Variants in PARM1 observed in about 807,000 individuals in gnomAD.
The protein encoded by PARM1 is WSC4, cell wall integrity and stress response component 4 homolog.
PARM1 carries 14 observed loss-of-function variants against 24.6 expected under a neutral mutation model. The ratio of observed to expected loss-of-function variants is 0.57; its 90% CI spans 0.38 to 0.89. The LOEUF (loss-of-function observed/expected upper bound fraction) is 0.89, where lower values mean the gene tolerates loss of function less well. PARM1 is among the 40% of genes least tolerant of loss of function. The pLI, the probability that PARM1 is intolerant of heterozygous loss-of-function variation, is 0.00. For synonymous variants in PARM1, 179 were observed against 156.6 expected (o/e 1.14, Z -1.07); for missense variants, 362 against 380.4 (o/e 0.95, Z 0.40).
intron 2 of PARM1, among the ~76,000 whole-genome samples, chr4:75,029,856 T>A (rs1723244143): frequency 6.6e-6 from 1 of 151,966 alleles, no homozygotes. Flanking sequence ...GTGGAAACTT[T>A]TTTAGGACAA....
intron 1 of PARM1, among the ~76,000 whole-genome samples, chr4:74,979,293 A>G (rs1271954846): frequency 1.3e-5 from 2 of 152,176 alleles, no homozygotes; most frequent in Admixed American, 6.5e-5. Flanking sequence ...ATCGCCACTG[A>G]CCCAACAGAA....
intron 1 of PARM1, among the ~76,000 whole-genome samples, chr4:74,958,899 G>A (rs144026573): frequency 4.6e-4 from 70 of 152,256 alleles, no homozygotes; most frequent in African/African-American, 1.6e-3. Context: ...TCAATTTTAT[G>A]ATAAAATCAA....
In PARM1 at chr4:75,048,282, A is replaced by C. The variant is rs1377851286; in HGVS notation, c.*2035A>C. 2 of 152,206 alleles carry C rather than the reference A, an allele frequency of 1.3e-5. No individual in the cohort carries two copies. Among genetic ancestry groups the C allele is most frequent in the African/African-American group, 2.4e-5 (1 of 41,458 alleles). The allele number at this position is 152,206 out of a possible 1,614,324, so 9.4% of individuals were successfully genotyped here. On this transcript the variant is annotated 3_prime_UTR_variant, in exon 4 of 4. Coordinates refer to ENST00000307428, the MANE Select transcript of PARM1 (RefSeq NM_015393.4). The stretch of plus-strand genomic sequence containing the variant: ...TGAGCAAGCCCCAGAAGTATTTTAC[A>C]ACCAGAGTGGGTAATGAGGAGGGGG...
chr4:74,953,850 T>C (rs1368215540), intron 1 of PARM1, among the ~76,000 whole-genome samples: 1 of 152,152 alleles, frequency 6.6e-6, no homozygotes, highest in Non-Finnish European at 1.5e-5. Context: ...GTGAGCCAGC[T>C]TGGGCTGCAA....
At chr4:74,940,829 G>T (rs192792887) in intron 1 of PARM1, among the ~76,000 whole-genome samples, 1 of 152,138 alleles carries the variant, frequency 6.6e-6, no homozygotes, top group Admixed American at 6.5e-5. Context: ...TGTTTATTTA[G>T]TATGTTAGTT....
intron 1 of PARM1, among the ~76,000 whole-genome samples, chr4:75,010,535 T>TA (rs199516148): frequency 3.9e-5 from 6 of 152,214 alleles, no homozygotes; most frequent in East Asian, 1.9e-4. Context: ...AATAAAAAAT[T>TA]AAAAAAAATT....
chr4:74,968,510 C>T (rs554393082), intron 1 of PARM1, among the ~76,000 whole-genome samples: 4 of 152,252 alleles, frequency 2.6e-5, no homozygotes, highest in South Asian at 4.1e-4. Context: ...ACATGTCACA[C>T]CCTGGTTATT....
chr4:74,946,281 C>T (rs1027867429), intron 1 of PARM1, among the ~76,000 whole-genome samples: 11 of 152,328 alleles, frequency 7.2e-5, no homozygotes, highest in African/African-American at 2.6e-4. Flanking sequence ...ACTACCAAAT[C>T]AGTTGCTAAA....
intron 1 of PARM1, among the ~76,000 whole-genome samples, chr4:74,950,747 T>A (rs944327220): frequency 2.6e-5 from 4 of 152,214 alleles, no homozygotes; most frequent in Non-Finnish European, 4.4e-5. Flanking sequence ...AAGTTTTTTT[T>A]ATTTGTTTCC....
chr4:74,986,875 C>T (rs1228264271), intron 1 of PARM1, among the ~76,000 whole-genome samples: 2 of 152,158 alleles, frequency 1.3e-5, no homozygotes. Context: ...CACACCTGCT[C>T]TACTACTCCA....
intron 1 of PARM1, among the ~76,000 whole-genome samples, chr4:75,005,004 A>G (rs1722744869): frequency 6.6e-6 from 1 of 152,254 alleles, no homozygotes; most frequent in African/African-American, 2.4e-5. Flanking sequence ...TGTGAAACCG[A>G]GATAACAATG....
chr4:74,981,386 A>G, intron 1 of PARM1, among the ~76,000 whole-genome samples: 1 of 152,226 alleles, frequency 6.6e-6, no homozygotes, highest in Middle Eastern at 3.2e-3. Flanking sequence ...AAAGCTCAAC[A>G]TCACTGATCA....
chr4:75,030,255 G>C (rs1723250514), intron 2 of PARM1, among the ~76,000 whole-genome samples: 1 of 152,068 alleles, frequency 6.6e-6, no homozygotes, highest in African/African-American at 2.4e-5. Flanking sequence ...AATAGTACTG[G>C]GTCCAAATGA....
At chr4:75,024,190 T>A (rs1263695800) in intron 2 of PARM1, among the ~76,000 whole-genome samples, 1 of 150,900 alleles carries the variant, frequency 6.6e-6, no homozygotes, top group Non-Finnish European at 1.5e-5. Flanking sequence ...GAGAATGGCG[T>A]GAACCCGGGA....
chr4:74,964,327 A>G (rs1291052918), intron 1 of PARM1, among the ~76,000 whole-genome samples: 1 of 152,192 alleles, frequency 6.6e-6, no homozygotes, highest in Non-Finnish European at 1.5e-5. Context: ...TGCATGATTG[A>G]TGAGGTCACA....
At chr4:75,000,080 G>A (rs1431772516) in intron 1 of PARM1, among the ~76,000 whole-genome samples, 1 of 152,126 alleles carries the variant, frequency 6.6e-6, no homozygotes, top group Non-Finnish European at 1.5e-5. Context: ...GTTGAAGGAT[G>A]TGGGAAGCAC....
chr4:74,936,369 T>C (rs900455878), intron 1 of PARM1, among the ~76,000 whole-genome samples: 1 of 152,122 alleles, frequency 6.6e-6, no homozygotes, highest in African/African-American at 2.4e-5. Context: ...GCTTCCACAT[T>C]TATCCCTCTC....
chr4:75,019,990 A>G (rs1484343119), intron 2 of PARM1, among the ~76,000 whole-genome samples: 2 of 143,492 alleles, frequency 1.4e-5, no homozygotes, highest in Non-Finnish European at 3.1e-5. Flanking sequence ...GGCCTGGGCG[A>G]CAGAACGAGA....
In PARM1 at chr4:75,012,486, T is replaced by G. The variant is rs1722888499; in HGVS notation, c.105T>G (p.Ile35Met). 1.2e-6 allele frequency: 2 copies of G among 1,613,898 alleles called. No individual in the cohort carries two copies. The highest frequency in any genetic ancestry group is 4.5e-5 in the East Asian group (2 of 44,882). Residue 35 changes from isoleucine (I) to methionine (M), a missense_variant, in exon 2 of 4, where the codon ATT becomes ATG. Ile to Met is a conservative substitution (Grantham distance 10, BLOSUM62 1). Coordinates refer to ENST00000307428, the MANE Select transcript of PARM1 (RefSeq NM_015393.4). ...APLSVSLPTN[I>M]VPPTTIWTSS... The stretch of plus-strand genomic sequence containing the variant: ...TGTCTGTTTCTCTTCCGACAAACAT[T>G]GTACCACCGACCACCATCTGGACTA...
Sources: allele counts gnomAD v4.1 joint callset (sites outside exome capture counted in the v4.1 genomes callset), GRCh38; gene constraint gnomAD v4.1.1; transcripts MANE v1.5; gene names NCBI Gene and HGNC (gene_info 2026-07-23, HGNC 2026-07-21).